GRM7: variants seen among roughly 807,000 people sequenced by gnomAD.
GRM7 encodes glutamate metabotropic receptor 7.
A neutral mutation model predicts 84.5 loss-of-function variants in GRM7; 35 were observed. The ratio of observed to expected loss-of-function variants is 0.41; its 90% CI spans 0.32 to 0.55. The LOEUF is 0.55. Ranked by LOEUF, GRM7 falls within the 20% of genes least tolerant of loss-of-function variation. GRM7 has a pLI of 0.19. For missense variants in GRM7, 1,003 were observed against 1,194.6 expected, an observed-to-expected ratio of 0.84 and a Z score of 2.36; for synonymous variants, 487 against 455.1, an observed-to-expected ratio of 1.07 and a Z score of -0.89.
At chr3:7,628,033 G>A (rs946689867) in intron 8 of GRM7, among the ~76,000 whole-genome samples, 5 of 152,054 alleles carry the variant, frequency 3.3e-5, no homozygotes, top group East Asian at 1.9e-4. Flanking sequence ...CCTGCCACCC[G>A]TGCAAACTCA....
intron 4 of GRM7, among the ~76,000 whole-genome samples, chr3:7,384,888 C>G (rs1447880053): frequency 1.3e-5 from 2 of 152,106 alleles, no homozygotes; most frequent in Non-Finnish European, 2.9e-5. Flanking sequence ...CAAAAAGTGA[C>G]AGAAACTTAA....
intron 4 of GRM7, among the ~76,000 whole-genome samples, chr3:7,344,703 T>C (rs112064645): frequency 2.6e-4 from 40 of 152,258 alleles, no homozygotes; most frequent in African/African-American, 9.1e-4. Flanking sequence ...TTCTCACTCA[T>C]ATGTGAAAAC....
chr3:6,974,984 TATC>T (rs1269671389), intron 1 of GRM7, among the ~76,000 whole-genome samples: 1 of 152,110 alleles, frequency 6.6e-6, no homozygotes, highest in Non-Finnish European at 1.5e-5. Context: ...TAGAGGCAGA[TATC>T]ATGATTCAGG....
At chr3:7,252,223 A>G (rs1446750529) in intron 2 of GRM7, among the ~76,000 whole-genome samples, 1 of 152,144 alleles carries the variant, frequency 6.6e-6, no homozygotes, top group Non-Finnish European at 1.5e-5. Flanking sequence ...TTCTAAGCTC[A>G]TTGTGCTGTA....
intron 4 of GRM7, among the ~76,000 whole-genome samples, chr3:7,316,666 A>G (rs2125047997): frequency 6.6e-6 from 1 of 152,254 alleles, no homozygotes; most frequent in South Asian, 2.1e-4. Context: ...AGCAGGTTTT[A>G]AGGGAACAAA....
At chr3:7,116,498 CCA>C (rs1467459829) in intron 1 of GRM7, among the ~76,000 whole-genome samples, 1 of 152,116 alleles carries the variant, frequency 6.6e-6, no homozygotes, top group African/African-American at 2.4e-5. Flanking sequence ...CAGTCCCTCA[CCA>C]CAGTCACATA....
intron 2 of GRM7, among the ~76,000 whole-genome samples, chr3:7,187,378 C>T (rs1314735151): frequency 1.3e-5 from 2 of 152,174 alleles, no homozygotes; most frequent in Non-Finnish European, 2.9e-5. Context: ...GCTTGTTTGT[C>T]TCTCTCACCC....
intron 2 of GRM7, among the ~76,000 whole-genome samples, chr3:7,247,884 A>G (rs1697834932): frequency 6.6e-6 from 1 of 152,132 alleles, no homozygotes; most frequent in African/African-American, 2.4e-5. Flanking sequence ...GCCAAATAAA[A>G]TGATAATGAG....
At chr3:7,031,950 C>A (rs1696201613) in intron 1 of GRM7, among the ~76,000 whole-genome samples, 1 of 152,040 alleles carries the variant, frequency 6.6e-6, no homozygotes, top group African/African-American at 2.4e-5. Flanking sequence ...CTGACCTGTG[C>A]CCTATCCCTT....
chr3:6,861,248 C>G lies in GRM7; in HGVS notation c.-141C>G, dbSNP rs905361533. Reference sequence around the variant, plus strand: ...GACCCCTCACCCTCTCTGGTCGCCCCTCCCCGGATTCCCCCACCCTCCGTG... The same window carrying G: ...GACCCCTCACCCTCTCTGGTCGCCCGTCCCCGGATTCCCCCACCCTCCGTG... On this transcript the variant is annotated 5_prime_UTR_variant, in exon 1 of 10. Transcript: ENST00000357716. The surrounding 1 kb of genome is among the most constrained non-coding windows in gnomAD (Gnocchi z 6.4). 11 of 677,976 alleles carry G rather than the reference C, an allele frequency of 1.6e-5. No homozygotes were observed. Among genetic ancestry groups the G allele is most frequent in the South Asian group, 3.2e-5 (1 of 31,030 alleles). The allele number at this position is 677,976 out of a possible 1,614,324, so 42.0% of individuals were successfully genotyped here.
At chr3:7,678,066 C>T (rs1055683797) in intron 8 of GRM7, among the ~76,000 whole-genome samples, 2 of 152,106 alleles carry the variant, frequency 1.3e-5, no homozygotes, top group Non-Finnish European at 2.9e-5. Flanking sequence ...ACAGTAGACA[C>T]TGGGGCCTAA....
At chr3:7,663,441 G>C (rs1699549322) in intron 8 of GRM7, among the ~76,000 whole-genome samples, 1 of 152,144 alleles carries the variant, frequency 6.6e-6, no homozygotes, top group African/African-American at 2.4e-5. Context: ...CTGTCAGCTG[G>C]TGAACTTTCC....
chr3:7,187,436 A>G (rs983323568), intron 2 of GRM7, among the ~76,000 whole-genome samples: 1 of 152,202 alleles, frequency 6.6e-6, no homozygotes, highest in African/African-American at 2.4e-5. Context: ...GTTGTGATGT[A>G]GGACAGGTGA....
At chr3:7,233,343 T>C (rs540453019) in intron 2 of GRM7, among the ~76,000 whole-genome samples, 8 of 152,268 alleles carry the variant, frequency 5.3e-5, no homozygotes, top group South Asian at 2.1e-4. Context: ...TGATTAATTA[T>C]GATCATTTCG....
At chr3:7,316,677 C>G (rs960265777) in intron 4 of GRM7, among the ~76,000 whole-genome samples, 5 of 152,122 alleles carry the variant, frequency 3.3e-5, no homozygotes, top group African/African-American at 1.2e-4. Flanking sequence ...AGGGAACAAA[C>G]AGCAATGCCA....
chr3:7,204,455 G>A (rs1243908213), intron 2 of GRM7, among the ~76,000 whole-genome samples: 1 of 152,204 alleles, frequency 6.6e-6, no homozygotes, highest in East Asian at 1.9e-4. Context: ...AAAATGTCAT[G>A]AAATCTATTG....
At chr3:7,594,682 C>T (rs1339529571) in intron 8 of GRM7, among the ~76,000 whole-genome samples, 1 of 152,128 alleles carries the variant, frequency 6.6e-6, no homozygotes, top group East Asian at 1.9e-4. Flanking sequence ...CAGATCAAAG[C>T]AGGTAACAGA....
Position 7,374,644 on chromosome 3 carries a change from ATTT to A in GRM7, c.1034-40363_1034-40361del, listed in dbSNP as rs569869343. Among the ~76,000 whole-genome samples, 1,180 of 130,980 alleles carry A rather than the reference ATTT, an allele frequency of 9.0e-3. 14 individuals are homozygous for A. The highest frequency in any genetic ancestry group is 0.028 in the African/African-American group (999 of 35,664). The allele number at this position is 130,980 out of a possible 152,430, so 85.9% of individuals were successfully genotyped here. On this transcript the variant is annotated intron_variant, in intron 4 of 9. Transcript: ENST00000357716. Reference sequence around the variant, plus strand: ...CAGGTGCCCGCCACCATACCTGGCCATTTTTTTTTTTTTTTTTTGTATTTTTAG... The same window carrying A: ...CAGGTGCCCGCCACCATACCTGGCCATTTTTTTTTTTTTTTGTATTTTTAG...
chr3:7,629,437 A>G (rs9868738), intron 8 of GRM7, among the ~76,000 whole-genome samples: 1,919 of 152,168 alleles, frequency 0.013, 27 homozygotes, highest in African/African-American at 0.043. Context: ...CCTTCTCACT[A>G]TGTCCTCACA....
Sources: allele counts gnomAD v4.1 joint callset (sites outside exome capture counted in the v4.1 genomes callset), GRCh38; gene constraint gnomAD v4.1.1; non-coding constraint Gnocchi (gnomAD v3.1); transcripts MANE v1.5; gene names NCBI Gene and HGNC (gene_info 2026-07-23, HGNC 2026-07-21).